The following CACNA1C variants were observed in gnomAD, a reference collection of about 807,000 sequenced individuals.
The protein encoded by CACNA1C is voltage-dependent L-type calcium channel subunit alpha-1C.
In CACNA1C, 30 loss-of-function variants were observed where a neutral mutation model predicts 229.0. The ratio of observed to expected loss-of-function variants is 0.13; its 90% CI spans 0.10 to 0.18. The LOEUF is 0.18. Ranked by LOEUF, CACNA1C falls within the 10% of genes least tolerant of loss-of-function variation. The pLI, the probability that CACNA1C is intolerant of heterozygous loss-of-function variation, is 1.00. For synonymous variants in CACNA1C, 1,114 were observed against 1,132.5 expected (o/e 0.98, Z 0.33); for missense variants, 1,658 against 2,845.0 (o/e 0.58, Z 9.49).
intron 3 of CACNA1C, among the ~76,000 whole-genome samples, chr12:2,158,448 G>T (rs1450695350): frequency 6.6e-6 from 1 of 152,140 alleles, no homozygotes; most frequent in Non-Finnish European, 1.5e-5. Context: ...TTGGTGGTAC[G>T]TGCCTGTAGT....
intron 5 of CACNA1C, among the ~76,000 whole-genome samples, chr12:2,483,714 C>T (rs1304200659): frequency 1.3e-5 from 2 of 151,986 alleles, no homozygotes; most frequent in Admixed American, 1.3e-4. Context: ...AGTGGCGTGA[C>T]CCCCAGCCTG....
chr12:2,567,430 G>T, intron 12 of CACNA1C, 139 bp from the exon 13 acceptor site: 2 of 613,762 alleles, frequency 3.3e-6, no homozygotes, highest in South Asian at 4.0e-5. Flanking sequence ...CCCAACTTCT[G>T]TTCTGGCCGA....
At chr12:2,408,212 T>G (rs991525998) in intron 3 of CACNA1C, among the ~76,000 whole-genome samples, 1 of 151,804 alleles carries the variant, frequency 6.6e-6, no homozygotes, top group African/African-American at 2.4e-5. Context: ...AGACAAAGAG[T>G]AGAATTGTAG....
chr12:2,525,191 G>C (rs1473261444), intron 9 of CACNA1C, among the ~76,000 whole-genome samples: 1 of 152,108 alleles, frequency 6.6e-6, no homozygotes, highest in South Asian at 2.1e-4. Flanking sequence ...GGGATGACAA[G>C]GTACCAGTTT....
chr12:2,070,463 A>G (rs370216867), intron 1 of CACNA1C, among the ~76,000 whole-genome samples: 26 of 152,332 alleles, frequency 1.7e-4, no homozygotes, highest in Admixed American at 1.4e-3. Context: ...GCAATGGTCT[A>G]TGAGTGGTAA....
chr12:2,069,815 G>C (rs2060567580), intron 1 of CACNA1C, among the ~76,000 whole-genome samples: 1 of 152,132 alleles, frequency 6.6e-6, no homozygotes, highest in African/African-American at 2.4e-5. Context: ...TGCTTAAAGA[G>C]TCTTTTCTTT....
chr12:2,425,922 G>A (rs976384523), intron 3 of CACNA1C, among the ~76,000 whole-genome samples: 6 of 152,204 alleles, frequency 3.9e-5, no homozygotes, highest in Non-Finnish European at 7.3e-5. Context: ...GGCAGGAGGG[G>A]TCTTCCTTGC....
rs1222162821 is a variant in CACNA1C, at chr12:2,653,328, A to G, written c.4075-507A>G. Among the ~76,000 whole-genome samples the G allele has an allele frequency of 6.6e-6, 1 of 152,212 alleles. No homozygotes were observed. Among genetic ancestry groups the G allele is most frequent in the Non-Finnish European group, 1.5e-5 (1 of 68,034 alleles). On this transcript the variant is annotated intron_variant, in intron 32 of 46. Transcript: ENST00000399655. This position sits in a 1 kb window ranked among gnomAD's most constrained non-coding sequence, Gnocchi z 4.7. ...CCCTCACAGATAGAAAGTGGCAGAA[A>G]CAGGATTTGAACCCATGATCTTTCT...
chr12:2,023,471 C>A (rs1021319128), intron 1 of CACNA1C, among the ~76,000 whole-genome samples: 1 of 152,180 alleles, frequency 6.6e-6, no homozygotes, highest in African/African-American at 2.4e-5. Flanking sequence ...TTGACAGGAA[C>A]AACGAGCCTC....
At chr12:2,144,484 A>G (rs567740735) in intron 3 of CACNA1C, among the ~76,000 whole-genome samples, 1 of 151,466 alleles carries the variant, frequency 6.6e-6, no homozygotes, top group Non-Finnish European at 1.5e-5. Flanking sequence ...GAGACACAGC[A>G]GTGCTTAAAA....
Position 2,585,035 on chromosome 12 carries a change from A to G in CACNA1C, c.2340-341A>G, listed in dbSNP as rs2061900045. ...CCTATGTTGTATCCTATCATTATCT[A>G]GACGGGACAGTTCCAGGCCACACAG... On this transcript the variant is annotated intron_variant, in intron 16 of 46. Coordinates refer to ENST00000399655, the MANE Select transcript of CACNA1C (RefSeq NM_000719.7). This position sits in a 1 kb window ranked among gnomAD's most constrained non-coding sequence, Gnocchi z 4.1. 6.6e-6 allele frequency among the ~76,000 whole-genome samples: 1 copy of G among 152,138 alleles called. No homozygotes were observed.
rs191962830 is a variant in CACNA1C at position 2,456,197 on chromosome 12, T to C, written c.618-1370T>C. ...TCCCCTCTCTTTCTCACACCTCACATCTAGTCCATCAGCCAGTCCCACTAA... is the reference window on the plus strand; with the variant it reads ...TCCCCTCTCTTTCTCACACCTCACACCTAGTCCATCAGCCAGTCCCACTAA... On this transcript the variant is annotated intron_variant, in intron 4 of 46. Transcript: ENST00000399655. Among the ~76,000 whole-genome samples, 158 of 152,274 alleles carry C rather than the reference T, an allele frequency of 1.0e-3. 1 individual carries two copies. Among genetic ancestry groups the C allele is most frequent in the Non-Finnish European group, 1.5e-3 (99 of 68,016 alleles).
At chr12:2,305,207 G>A (rs925090578) in intron 3 of CACNA1C, among the ~76,000 whole-genome samples, 2 of 152,216 alleles carry the variant, frequency 1.3e-5, no homozygotes, top group African/African-American at 4.8e-5. Flanking sequence ...AGCCCTCCCT[G>A]TGCCCAGTAC....
At chr12:2,212,416 CTG>C (rs2097950047) in intron 3 of CACNA1C, among the ~76,000 whole-genome samples, 2 of 152,152 alleles carry the variant, frequency 1.3e-5, no homozygotes, top group African/African-American at 2.4e-5. Flanking sequence ...CATGCAGGTT[CTG>C]TGTTTGAGGA....
intron 21 of CACNA1C, among the ~76,000 whole-genome samples, chr12:2,599,528 A>T (rs2070743514): frequency 1.3e-5 from 2 of 152,226 alleles, no homozygotes; most frequent in South Asian, 4.1e-4. Context: ...GACAGGTTTC[A>T]TAGCTAGAAG....
At chr12:2,373,872 A>G (rs1444263313) in intron 3 of CACNA1C, among the ~76,000 whole-genome samples, 1 of 151,992 alleles carries the variant, frequency 6.6e-6, no homozygotes, top group Admixed American at 6.5e-5. Flanking sequence ...GCTCAGTCCC[A>G]TTTTTCCTCT....
At chr12:2,667,317 A>ACTCCACGCTCCTG in intron 37 of CACNA1C, among the ~76,000 whole-genome samples, 1 of 151,878 alleles carries the variant, frequency 6.6e-6, no homozygotes, top group African/African-American at 2.4e-5. Context: ...CACCGTGGCC[A>ACTCCACGCTCCTG]TTCCGTGCTC....
At chr12:1,982,985 T>G (rs904359445) in intron 1 of CACNA1C, among the ~76,000 whole-genome samples, 8 of 152,130 alleles carry the variant, frequency 5.3e-5, no homozygotes, top group Non-Finnish European at 8.8e-5. Flanking sequence ...CTATTTTTCT[T>G]GAGTTAATTC....
At chr12:2,257,017 C>A (rs1005209349) in intron 3 of CACNA1C, among the ~76,000 whole-genome samples, 8 of 152,106 alleles carry the variant, frequency 5.3e-5, no homozygotes, top group Non-Finnish European at 1.0e-4. Flanking sequence ...GAATGTAAAC[C>A]CAATCAGGAC....
Sources: gnomAD v4.1 joint callset for allele counts (sites outside exome capture counted in the v4.1 genomes callset) on GRCh38, gnomAD v4.1.1 for gene constraint, Gnocchi (gnomAD v3.1) non-coding constraint, MANE v1.5 for transcripts, NCBI Gene and HGNC (gene_info 2026-07-23, HGNC 2026-07-21) for gene names.